Variants in EPB41L4A observed in about 807,000 individuals in gnomAD.
EPB41L4A encodes band 4.1-like protein 4A.
Under a neutral mutation model 108.6 loss-of-function variants are expected in EPB41L4A, and 100 were observed. The ratio of observed to expected loss-of-function variants is 0.92; its 90% CI spans 0.78 to 1.09. EPB41L4A has a LOEUF of 1.09. Among genes scored for constraint, EPB41L4A ranks in the 50% least tolerant of loss-of-function variants. The probability of loss-of-function intolerance (pLI) is 0.00; values close to 1 mark genes in which losing one functional copy is unlikely to be tolerated. For synonymous variants in EPB41L4A, 319 were observed against 289.0 expected (o/e 1.10, Z -1.05); for missense variants, 1,030 against 842.7 (o/e 1.22, Z -2.75).
intron 1 of EPB41L4A, among the ~76,000 whole-genome samples, chr5:112,377,215 G>GAAAA (rs576720562): frequency 0.014 from 1,415 of 101,666 alleles, 24 homozygotes; most frequent in East Asian, 0.047. Context: ...CTGTTTGTTT[G>GAAAA]AAAAAAAAAA....
intron 1 of EPB41L4A, among the ~76,000 whole-genome samples, chr5:112,378,417 T>C (rs1485340770): frequency 6.6e-6 from 1 of 152,216 alleles, no homozygotes; most frequent in African/African-American, 2.4e-5. Flanking sequence ...AGGAGTTCCA[T>C]AGTTGATATA....
intron 1 of EPB41L4A, among the ~76,000 whole-genome samples, chr5:112,381,786 CCT>C (rs1231163989): frequency 3.9e-5 from 6 of 152,350 alleles, no homozygotes; most frequent in East Asian, 1.9e-4. Context: ...TGAACTCTCC[CCT>C]GTCTTCGTAA....
intron 1 of EPB41L4A, among the ~76,000 whole-genome samples, chr5:112,388,149 A>G (rs1468592667): frequency 6.6e-6 from 1 of 152,198 alleles, no homozygotes; most frequent in East Asian, 1.9e-4. Context: ...CTAACAATTT[A>G]CCCTTACAGT....
At chr5:112,187,143 A>C (rs1002277758) in intron 17 of EPB41L4A, among the ~76,000 whole-genome samples, 1 of 151,766 alleles carries the variant, frequency 6.6e-6, no homozygotes, top group African/African-American at 2.4e-5. Context: ...CATCATAGTC[A>C]TCAAAGTCTC....
At chr5:112,172,847 GCTT>G (rs1760661843) in intron 18 of EPB41L4A, among the ~76,000 whole-genome samples, 1 of 152,302 alleles carries the variant, frequency 6.6e-6, no homozygotes. Context: ...GGGCATATCA[GCTT>G]CTTCTAGTTA....
In EPB41L4A at chr5:112,169,048, C is replaced by T. The variant is rs1760420322; in HGVS notation, c.1797G>A (p.Gln599=). 6.2e-7 allele frequency: 1 copy of T among 1,614,168 alleles called. No homozygotes were observed. Among genetic ancestry groups the T allele is most frequent in the Admixed American group, 1.7e-5 (1 of 60,024 alleles). ...CATCTGAACACTGGGACCTGCGATA[C>T]TGGCGGTAACTTCGTGGCGAATGAG... ...RHSHSPRSYR[Q]YRRSQCSDGE... The change falls in exon 21 of 23, where the codon CAG becomes CAA. Residue 599 remains glutamine (Q), a synonymous_variant. Transcript: ENST00000261486.
At chr5:112,182,201 T>A (rs1178126058) in intron 18 of EPB41L4A, among the ~76,000 whole-genome samples, 1 of 152,206 alleles carries the variant, frequency 6.6e-6, no homozygotes, top group Non-Finnish European at 1.5e-5. Context: ...GATACATTTG[T>A]CAAAATTCAT....
intron 1 of EPB41L4A, among the ~76,000 whole-genome samples, chr5:112,333,667 C>T (rs945844800): frequency 6.6e-5 from 10 of 152,218 alleles, no homozygotes; most frequent in Non-Finnish European, 8.8e-5. Flanking sequence ...CAGTCTCTCT[C>T]TCTCTGTTAC....
chr5:112,256,228 A>G (rs1342746920), intron 9 of EPB41L4A, among the ~76,000 whole-genome samples: 1 of 152,188 alleles, frequency 6.6e-6, no homozygotes, highest in East Asian at 1.9e-4. Flanking sequence ...GCACCTAGTA[A>G]AAAACACGTA....
At chr5:112,166,344 A>T (rs570301493) in intron 22 of EPB41L4A, among the ~76,000 whole-genome samples, 1 of 152,272 alleles carries the variant, frequency 6.6e-6, no homozygotes, top group Non-Finnish European at 1.5e-5. Context: ...TCCTTTTAGC[A>T]CTTGGAATAA....
intron 1 of EPB41L4A, among the ~76,000 whole-genome samples, chr5:112,391,760 C>A (rs972661483): frequency 6.6e-5 from 10 of 151,918 alleles, no homozygotes; most frequent in Admixed American, 6.6e-5. Context: ...GAAGAGCAAC[C>A]CCAAGACACA....
intron 8 of EPB41L4A, 78 bp downstream of exon 8, chr5:112,259,813 C>CCCCAA: frequency 9.6e-7 from 1 of 1,042,636 alleles, no homozygotes; most frequent in African/African-American, 1.6e-5. Context: ...GTTTTCTTTT[C>CCCCAA]CCCAACTCTT....
intron 2 of EPB41L4A, among the ~76,000 whole-genome samples, chr5:112,298,626 G>C (rs1469523934): frequency 1.3e-5 from 2 of 152,032 alleles, no homozygotes; most frequent in African/African-American, 4.8e-5. Context: ...TGTTCATCAG[G>C]GGTATTGGTC....
chr5:112,189,132 A>G (rs1761566616), intron 17 of EPB41L4A, among the ~76,000 whole-genome samples: 2 of 152,272 alleles, frequency 1.3e-5, no homozygotes, highest in Admixed American at 6.5e-5. Flanking sequence ...AACTAGCAAC[A>G]TTCATGCCAG....
chr5:112,276,207 G>A (rs891266709), intron 3 of EPB41L4A, among the ~76,000 whole-genome samples: 2 of 152,022 alleles, frequency 1.3e-5, no homozygotes, highest in African/African-American at 4.8e-5. Flanking sequence ...CTAAAAATGT[G>A]TTCTCACGTA....
At chr5:112,335,032 G>A (rs947522207) in intron 1 of EPB41L4A, among the ~76,000 whole-genome samples, 20 of 152,076 alleles carry the variant, frequency 1.3e-4, no homozygotes, top group African/African-American at 4.1e-4. Context: ...GTTCATTTTC[G>A]TGAAGTCAAT....
intron 3 of EPB41L4A, among the ~76,000 whole-genome samples, chr5:112,279,556 C>A (rs1166167881): frequency 6.6e-6 from 1 of 152,124 alleles, no homozygotes; most frequent in Non-Finnish European, 1.5e-5. Context: ...CACTGAATTG[C>A]ACACAAAAAT....
chr5:112,248,642 A>T (rs956763317), intron 9 of EPB41L4A, among the ~76,000 whole-genome samples: 1 of 152,150 alleles, frequency 6.6e-6, no homozygotes, highest in Admixed American at 6.6e-5. Flanking sequence ...TTATATCAGC[A>T]AATTTCCAAC....
intron 18 of EPB41L4A, among the ~76,000 whole-genome samples, chr5:112,183,706 C>G (rs1761279756): frequency 6.6e-6 from 1 of 152,196 alleles, no homozygotes; most frequent in Non-Finnish European, 1.5e-5. Context: ...GGTATTTCAC[C>G]AACAGCCTGG....
Sources: allele counts gnomAD v4.1 joint callset (sites outside exome capture counted in the v4.1 genomes callset), GRCh38; gene constraint gnomAD v4.1.1; transcripts MANE v1.5; gene names NCBI Gene and HGNC (gene_info 2026-07-23, HGNC 2026-07-21).